PCDH17: variants seen among roughly 807,000 people sequenced by gnomAD.
PCDH17 encodes protocadherin 17, also known as protocadherin-17.
In PCDH17, 21 loss-of-function variants were observed where a neutral mutation model predicts 67.7. That is an observed-to-expected ratio of 0.31 (90% CI 0.22 to 0.45). The LOEUF (loss-of-function observed/expected upper bound fraction) is 0.45, where lower values mean the gene tolerates loss of function less well. Ranked by LOEUF, PCDH17 falls within the 20% of genes least tolerant of loss-of-function variation. The pLI, the probability that PCDH17 is intolerant of heterozygous loss-of-function variation, is 1.00. For synonymous variants in PCDH17, 701 were observed against 656.7 expected (o/e 1.07, Z -1.03); for missense variants, 1,471 against 1,564.8 (o/e 0.94, Z 1.01).
chr13:57,704,478 T>C (rs939092274), intron 3 of PCDH17, among the ~76,000 whole-genome samples: 14 of 151,804 alleles, frequency 9.2e-5, no homozygotes, highest in African/African-American at 3.4e-4. Flanking sequence ...GTCATCATAA[T>C]GATTGATAGA....
chr13:57,680,926 A>G (rs1566233406), intron 3 of PCDH17, among the ~76,000 whole-genome samples: 3 of 151,816 alleles, frequency 2.0e-5, no homozygotes, highest in Non-Finnish European at 4.4e-5. Flanking sequence ...AAGAGTATAA[A>G]TATACAACAA....
At position 57,725,373 on chromosome 13, in the gene PCDH17, A is replaced by G; in HGVS notation, c.*79A>G. 2 of 1,278,504 alleles carry G rather than the reference A, an allele frequency of 1.6e-6. No individual in the cohort carries two copies. The highest frequency in any genetic ancestry group is 2.3e-5 in the East Asian group (1 of 42,906). The allele number at this position is 1,278,504 out of a possible 1,614,324, so 79.2% of individuals were successfully genotyped here. A position where few individuals can be genotyped will look rare whatever the true frequency, so the allele number is the denominator to read the frequency against. ...AAATGATCCCTCCTGGTGATAACCC[A>G]TTTTACAGGGATGAAGAAAGACCAA... On this transcript the variant is annotated 3_prime_UTR_variant, in exon 4 of 4. Transcript: ENST00000377918.
At chr13:57,640,723 G>T (rs2137982421) in intron 1 of PCDH17, among the ~76,000 whole-genome samples, 1 of 152,096 alleles carries the variant, frequency 6.6e-6, no homozygotes, top group South Asian at 2.1e-4. Context: ...TGGCAGGAGA[G>T]CTGGAAGCAT....
At chr13:57,675,552 G>T (rs1251605120) in intron 3 of PCDH17, among the ~76,000 whole-genome samples, 1 of 151,956 alleles carries the variant, frequency 6.6e-6, no homozygotes, top group African/African-American at 2.4e-5. Context: ...GAATCAAAGA[G>T]AATTTGTGGA....
intron 1 of PCDH17, among the ~76,000 whole-genome samples, chr13:57,654,401 GTT>G (rs80019764): frequency 0.12 from 17,861 of 149,756 alleles, 1,196 homozygotes; most frequent in Non-Finnish European, 0.16. Flanking sequence ...TATTTCTTAA[GTT>G]TTTTTTTTCA....
chr13:57,683,612 C>G (rs574343737), intron 3 of PCDH17, among the ~76,000 whole-genome samples: 1 of 151,844 alleles, frequency 6.6e-6, no homozygotes, highest in South Asian at 2.1e-4. Context: ...ATCAAATCAA[C>G]ACTGTGAAAC....
At chr13:57,707,922 CT>C (rs746107345) in intron 3 of PCDH17, among the ~76,000 whole-genome samples, 2 of 151,966 alleles carry the variant, frequency 1.3e-5, no homozygotes, top group Non-Finnish European at 2.9e-5. Flanking sequence ...ATGACCTCAT[CT>C]TAAGTAATTA....
chr13:57,700,359 G>T lies in PCDH17; in HGVS notation c.2798-24253G>T, dbSNP rs758341395. Among the ~76,000 whole-genome samples, 6 of 130,026 alleles carry T rather than the reference G, an allele frequency of 4.6e-5. 1 individual carries two copies. The South Asian group carries it at 1.4e-3, about 31-fold the overall frequency. The allele number at this position is 130,026 out of a possible 152,430, so 85.3% of individuals were successfully genotyped here. A position where few individuals can be genotyped will look rare whatever the true frequency, so the allele number is the denominator to read the frequency against. ...TTTTGAGACCAAGTCTTGCTCTATC[G>T]CCAGGCTGGATTGCAGTGGCGTGAT... On this transcript the variant is annotated intron_variant, in intron 3 of 3. Transcript: ENST00000377918.
chr13:57,642,877 T>G (rs1954921692), intron 1 of PCDH17, among the ~76,000 whole-genome samples: 1 of 151,772 alleles, frequency 6.6e-6, no homozygotes, highest in Admixed American at 6.6e-5. Flanking sequence ...TTTCAGACTA[T>G]GCATGTCATA....
intron 3 of PCDH17, among the ~76,000 whole-genome samples, chr13:57,679,461 A>G (rs768203840): frequency 3.3e-5 from 5 of 151,442 alleles, no homozygotes; most frequent in African/African-American, 1.2e-4. Flanking sequence ...ACCTAGGCAC[A>G]TGGTAATGTA....
chr13:57,633,831 C>T lies in PCDH17; in HGVS notation c.1285C>T (p.Pro429Ser), dbSNP rs768026915. The part of the protein sequence containing the change: ...DNFYTVVTDR[P>S]LDRETQDEYN... ...CTTCTACACGGTGGTGACTGACCGC[C>T]CGCTGGACCGCGAGACACAAGACGA... The change falls in exon 1 of 4, where the codon CCG becomes TCG. Residue 429 changes from proline (P) to serine (S), a missense_variant. Pro to Ser is a moderately conservative substitution (Grantham distance 74, BLOSUM62 -1). Coordinates refer to ENST00000377918, the MANE Select transcript of PCDH17 (RefSeq NM_001040429.3). This position sits in a 1 kb window ranked among gnomAD's most constrained non-coding sequence, Gnocchi z 6.2. 4 of 1,612,432 alleles carry T rather than the reference C, an allele frequency of 2.5e-6. No individual in the cohort carries two copies. The highest frequency in any genetic ancestry group is 3.4e-6 in the Non-Finnish European group (4 of 1,180,000).
intron 3 of PCDH17, among the ~76,000 whole-genome samples, chr13:57,668,214 CAT>C (rs1397701173): frequency 1.3e-5 from 2 of 151,928 alleles, no homozygotes; most frequent in East Asian, 1.9e-4. Context: ...TTTTATAAAA[CAT>C]ATGAATCTTT....
At chr13:57,681,974 A>C (rs1049735346) in intron 3 of PCDH17, among the ~76,000 whole-genome samples, 1 of 151,834 alleles carries the variant, frequency 6.6e-6, no homozygotes, top group East Asian at 1.9e-4. Flanking sequence ...TCTGTAGTCC[A>C]TCTGTATTCA....
At chr13:57,710,994 A>G (rs1284762558) in intron 3 of PCDH17, among the ~76,000 whole-genome samples, 1 of 151,990 alleles carries the variant, frequency 6.6e-6, no homozygotes, top group African/African-American at 2.4e-5. Flanking sequence ...ACACACACAC[A>G]CACATATGTA....
At chr13:57,686,988 T>A (rs1955513812) in intron 3 of PCDH17, among the ~76,000 whole-genome samples, 1 of 152,014 alleles carries the variant, frequency 6.6e-6, no homozygotes, top group Non-Finnish European at 1.5e-5. Context: ...GTGAGCCCCA[T>A]CCTTTAAATG....
intron 3 of PCDH17, among the ~76,000 whole-genome samples, chr13:57,698,621 A>G (rs1955633675): frequency 6.6e-6 from 1 of 151,988 alleles, no homozygotes. Context: ...AAATAAGTTT[A>G]CCTATTCCGC....
intron 3 of PCDH17, among the ~76,000 whole-genome samples, chr13:57,699,024 T>A (rs1955637767): frequency 6.6e-6 from 1 of 151,986 alleles, no homozygotes. Context: ...ACTGTTTAGC[T>A]CAAGGCACAG....
intron 1 of PCDH17, among the ~76,000 whole-genome samples, chr13:57,655,662 G>A (rs984325027): frequency 8.6e-5 from 13 of 151,872 alleles, no homozygotes; most frequent in Admixed American, 8.5e-4. Flanking sequence ...ATAATAAATG[G>A]CCATGATTGC....
At chr13:57,666,961 C>G (rs896863180) in intron 3 of PCDH17, 128 bp downstream of exon 3, 1 of 697,642 alleles carries the variant, frequency 1.4e-6, no homozygotes, top group Non-Finnish European at 2.1e-6. Context: ...AACAGCAAAT[C>G]TTGAGGTTGC....
Sources: allele counts gnomAD v4.1 joint callset (sites outside exome capture counted in the v4.1 genomes callset), GRCh38; gene constraint gnomAD v4.1.1; non-coding constraint Gnocchi (gnomAD v3.1); transcripts MANE v1.5; gene names NCBI Gene and HGNC (gene_info 2026-07-23, HGNC 2026-07-21).